Variants in SLC6A15 observed in about 807,000 individuals in gnomAD.
SLC6A15 encodes solute carrier family 6 member 15, also known as sodium-dependent neutral amino acid transporter B(0)AT2.
A neutral mutation model predicts 68.5 loss-of-function variants in SLC6A15; 33 were observed. The observed-to-expected ratio is 0.48, with a 90% CI of 0.37 to 0.64. The LOEUF is 0.64. SLC6A15 is among the 30% of genes least tolerant of loss of function. The probability of loss-of-function intolerance (pLI) is 0.00; values close to 1 mark genes in which losing one functional copy is unlikely to be tolerated. For missense variants in SLC6A15, 747 were observed against 874.3 expected (o/e 0.85, Z 1.84); for synonymous variants, 347 against 301.0 (o/e 1.15, Z -1.58).
At chr12:84,884,372 C>G (rs1225647631) in intron 4 of SLC6A15, among the ~76,000 whole-genome samples, 2 of 151,994 alleles carry the variant, frequency 1.3e-5, no homozygotes, top group African/African-American at 4.8e-5. Flanking sequence ...ATGGTGCGAT[C>G]TCGGCTCACT....
At chr12:84,899,972 T>C (rs1417946266) in intron 1 of SLC6A15, among the ~76,000 whole-genome samples, 3 of 152,124 alleles carry the variant, frequency 2.0e-5, no homozygotes, top group African/African-American at 7.2e-5. Flanking sequence ...GGTTCTTTTA[T>C]TTCCACATAA....
chr12:84,867,926 A>G (rs1435563773), intron 9 of SLC6A15: 1 of 152,220 alleles, frequency 6.6e-6, no homozygotes, highest in Non-Finnish European at 1.5e-5. Flanking sequence ...TGAAATTCAT[A>G]TAATATTCCC....
intron 1 of SLC6A15, among the ~76,000 whole-genome samples, chr12:84,894,645 A>G (rs1872559040): frequency 6.6e-6 from 1 of 152,128 alleles, no homozygotes; most frequent in Admixed American, 6.5e-5. Flanking sequence ...TTCTTTGGAC[A>G]AAAAATACAC....
intron 5 of SLC6A15, among the ~76,000 whole-genome samples, chr12:84,878,794 G>T (rs74489465): frequency 0.041 from 6,059 of 147,220 alleles, 418 homozygotes; most frequent in African/African-American, 0.14. Flanking sequence ...TAAACCAACT[G>T]ATCACCACAC....
At chr12:84,884,123 A>T in intron 4 of SLC6A15, 83 bp from the exon 5 acceptor site, 1 of 1,104,854 alleles carries the variant, frequency 9.1e-7, no homozygotes, top group Non-Finnish European at 1.3e-6. Flanking sequence ...CCTGTAAGTG[A>T]ATTCTTAATG....
chr12:84,863,661 T>A, intron 10 of SLC6A15, 60 bp from the exon 11 acceptor site: 1 of 1,247,356 alleles, frequency 8.0e-7, no homozygotes, highest in Middle Eastern at 2.9e-4. Flanking sequence ...CCTTAAAAAA[T>A]GTGCATTATA....
chr12:84,889,633 T>G (rs1872298242), intron 2 of SLC6A15, among the ~76,000 whole-genome samples: 1 of 152,234 alleles, frequency 6.6e-6, no homozygotes, highest in Admixed American at 6.5e-5. Flanking sequence ...TTTAAATACA[T>G]ATATTTGAAC....
chr12:84,906,577 G>A (rs1428496935), intron 1 of SLC6A15, among the ~76,000 whole-genome samples: 1 of 152,096 alleles, frequency 6.6e-6, no homozygotes, highest in Non-Finnish European at 1.5e-5. Flanking sequence ...GTTGGTGAAA[G>A]GATAGACAAA....
intron 1 of SLC6A15, among the ~76,000 whole-genome samples, chr12:84,895,981 G>T (rs1020411061): frequency 5.9e-5 from 9 of 152,130 alleles, no homozygotes; most frequent in Non-Finnish European, 1.3e-4. Context: ...AATAGAAGAA[G>T]AAATGAAGAG....
chr12:84,887,424 T>C (rs532555957), intron 2 of SLC6A15, among the ~76,000 whole-genome samples: 1 of 152,198 alleles, frequency 6.6e-6, no homozygotes, highest in Non-Finnish European at 1.5e-5. Context: ...ATCTCTGTAA[T>C]AATGATTATA....
rs35772840 is a variant in SLC6A15, at chr12:84,870,539, G to T, written c.1434C>A (p.Thr478=). The change falls in exon 9 of 12, where the codon ACC becomes ACA. Residue 478 remains threonine (T), a synonymous_variant. Coordinates refer to ENST00000266682, the MANE Select transcript of SLC6A15 (RefSeq NM_182767.6). Reference sequence around the variant, plus strand: ...CAATAGGCGTGACAATCCCTTCAATGGTTCCAAACATACTGCCAAGGCCTA... The same window carrying T: ...CAATAGGCGTGACAATCCCTTCAATTGTTCCAAACATACTGCCAAGGCCTA... ...VNLGLGSMFG[T]IEGIVTPIVD... is the part of the protein sequence containing the mutation. 6.1e-3 allele frequency: 9,709 copies of T among 1,598,400 alleles called. 493 individuals are homozygous for T. The African/African-American group carries it at 0.11, about 19-fold the overall frequency.
intron 5 of SLC6A15, chr12:84,881,952 T>C (rs1871839606): frequency 1.0e-6 from 1 of 984,616 alleles, no homozygotes; most frequent in Non-Finnish European, 1.2e-6. Flanking sequence ...ATTGCCCAAA[T>C]ACTAGTCTTT....
intron 1 of SLC6A15, among the ~76,000 whole-genome samples, chr12:84,900,417 T>C (rs973561973): frequency 6.6e-6 from 1 of 151,914 alleles, no homozygotes; most frequent in Non-Finnish European, 1.5e-5. Context: ...TAATTTAACT[T>C]TCATTTTTAT....
chr12:84,883,575 A>T (rs1436829401), intron 5 of SLC6A15: 32 of 1,384,742 alleles, frequency 2.3e-5, no homozygotes, highest in Non-Finnish European at 3.0e-5. Context: ...AATTGAATAA[A>T]GGGCAAAAAG....
At chr12:84,865,148 A>G (rs1871014464) in intron 10 of SLC6A15, among the ~76,000 whole-genome samples, 1 of 152,226 alleles carries the variant, frequency 6.6e-6, no homozygotes, top group Non-Finnish European at 1.5e-5. Flanking sequence ...AGTAAAGCTT[A>G]GAGAAACCTG....
chr12:84,861,747 T>C lies in SLC6A15; in HGVS notation c.2078A>G (p.Asn693Ser). ...SEMPSPNFGK[N>S]IYRKQSGSPT... ...GGATCCACTCTGTTTTCGATAAATA[T>C]TTTTACCAAAATTTGGAGATGGCAT... The change falls in exon 12 of 12, where the codon AAT becomes AGT. Residue 693 changes from asparagine to serine, a missense_variant. Transcript: ENST00000266682. 6.2e-7 allele frequency: 1 copy of C among 1,614,012 alleles called. No individual in the cohort carries two copies. The highest frequency in any genetic ancestry group is 8.5e-7 in the Non-Finnish European group (1 of 1,179,934).
Position 84,870,602 on chromosome 12 carries a change from G to A in SLC6A15, c.1371C>T (p.Pro457=), listed in dbSNP as rs373665263. The change falls in exon 9 of 12, where the codon CCC becomes CCT. Residue 457 remains proline, a synonymous_variant. Transcript: ENST00000266682. ...TEAMTHFPAS[P]FWSVMFFLML... is the part of the protein sequence containing the mutation. The stretch of plus-strand genomic sequence containing the variant: ...TGAGGAAAAACATCACTGACCAGAA[G>A]GGAGATGCAGGAAAATGTGTCATCG... 1.1e-5 allele frequency: 17 copies of A among 1,612,308 alleles called. No individual in the cohort carries two copies. Among genetic ancestry groups the A allele is most frequent in the Non-Finnish European group, 1.3e-5 (15 of 1,179,138 alleles).
rs778528751 is a variant in SLC6A15, at chr12:84,863,463, GC to G, written c.1793del (p.Gly598AlafsTer15). The G allele has an allele frequency of 1.3e-6, 2 of 1,582,228 alleles. No individual in the cohort carries two copies. Among genetic ancestry groups the G allele is most frequent in the Non-Finnish European group, 1.7e-6 (2 of 1,169,104 alleles). On this transcript the variant is annotated frameshift_variant, in exon 11 of 12. Transcript: ENST00000266682. LOFTEE classifies it high-confidence loss of function. The stretch of plus-strand genomic sequence containing the variant: ...CCTTATCTTCAATCCATGCGTTATA[GC>G]CAGGAGGACTTAATCCCATATTCAC... ...SVVNMGLSPP[G>X]YNAWIEDKAS...
intron 8 of SLC6A15, among the ~76,000 whole-genome samples, chr12:84,871,579 A>T (rs1010168189): frequency 3.5e-5 from 5 of 144,392 alleles, no homozygotes; most frequent in African/African-American, 1.0e-4. Context: ...GATGAGAATT[A>T]AAAAAAAAAA....
Sources: allele counts gnomAD v4.1 joint callset (sites outside exome capture counted in the v4.1 genomes callset), GRCh38; gene constraint gnomAD v4.1.1; transcripts MANE v1.5; gene names NCBI Gene and HGNC (gene_info 2026-07-23, HGNC 2026-07-21).